Variants in ZBTB25 observed in about 807,000 individuals in gnomAD.
ZBTB25 encodes the protein zinc finger and BTB domain-containing protein 25.
In ZBTB25, 20 loss-of-function variants were observed where a neutral mutation model predicts 34.2. The ratio of observed to expected loss-of-function variants is 0.58; its 90% CI spans 0.41 to 0.85. The LOEUF is 0.85. Among genes scored for constraint, ZBTB25 ranks in the 40% least tolerant of loss-of-function variants. ZBTB25 has a pLI of 0.00. For missense variants in ZBTB25, 437 were observed against 521.8 expected (o/e 0.84, Z 1.58); for synonymous variants, 175 against 186.4 (o/e 0.94, Z 0.50).
At chr14:64,502,756 A>C (rs2079538077) in intron 1 of ZBTB25, 1 of 978,834 alleles carries the variant, frequency 1.0e-6, no homozygotes, top group Non-Finnish European at 1.2e-6. Flanking sequence ...TTGGAGTCTT[A>C]GCTATCAAGA....
At chr14:64,504,364 C>CG (rs139905887), upstream of ZBTB25, 34,769 of 152,296 alleles carry the variant, frequency 0.23, 4,660 homozygotes, top group Non-Finnish European at 0.31. Flanking sequence ...CTGGGCCCAA[C>CG]GGGCAGGGGT....
intron 2 of ZBTB25, chr14:64,472,948 A>G (rs1478954382): frequency 4.2e-5 from 7 of 166,936 alleles, no homozygotes; most frequent in Non-Finnish European, 1.0e-4. Flanking sequence ...CTTTTAATGA[A>G]TGTTTATTTA....
intron 2 of ZBTB25, 70 bp downstream of exon 2, chr14:64,490,291 A>G: frequency 8.3e-7 from 1 of 1,202,712 alleles, no homozygotes; most frequent in Non-Finnish European, 1.1e-6. Context: ...GAATTTCCAA[A>G]ATGATACTAT....
At chr14:64,468,156 T>C (rs2078630457) in intron 2 of ZBTB25, 1 of 287,958 alleles carries the variant, frequency 3.5e-6, no homozygotes, top group Non-Finnish European at 6.4e-6. Context: ...AAAGCAAAAA[T>C]TTATCCAAAG....
At position 64,479,316 on chromosome 14, in the gene ZBTB25, T is replaced by C. The variant is rs1021978728; in HGVS notation, c.*7607A>G. On this transcript the variant is annotated 3_prime_UTR_variant, in exon 3 of 3. Coordinates refer to ENST00000608382, the MANE Select transcript of ZBTB25 (RefSeq NM_006977.5). ...CTCTGCACTGAGATGTTTAGCAGCA[T>C]CCCTGGCCTCCACCTACTAGATGCC... 5.3e-5 allele frequency: 8 copies of C among 152,188 alleles called. No homozygotes were observed. Among genetic ancestry groups the C allele is most frequent in the African/African-American group, 1.9e-4 (8 of 41,444 alleles). 9.4% of individuals were successfully genotyped at this position (152,188 alleles called of 1,614,324 possible). A position where few individuals can be genotyped will look rare whatever the true frequency, so the allele number is the denominator to read the frequency against.
chr14:64,487,174 T>C lies in ZBTB25; in HGVS notation c.1057A>G (p.Ile353Val), dbSNP rs2078894938. Reference sequence around the variant, plus strand: ...TTTCGAGGGAATTTATGACCACAGATGGTACAGCTCATTTTTCTTTTCCTT... The same window carrying C: ...TTTCGAGGGAATTTATGACCACAGACGGTACAGCTCATTTTTCTTTTCCTT... ...FSRKRKMSCT[I>V]CGHKFPRKSQ... The change falls in exon 3 of 3, where the codon ATC becomes GTC. Residue 353 changes from isoleucine to valine, a missense_variant. Physicochemically the swap from Ile to Val is conservative, Grantham distance 29 (BLOSUM62 3). Coordinates refer to ENST00000608382, the MANE Select transcript of ZBTB25 (RefSeq NM_006977.5). The C allele has an allele frequency of 1.2e-6, 2 of 1,614,058 alleles. No individual in the cohort carries two copies. Among genetic ancestry groups the C allele is most frequent in the African/African-American group, 1.3e-5 (1 of 74,918 alleles).
At chr14:64,491,861 C>A (rs977688963) in intron 1 of ZBTB25, among the ~76,000 whole-genome samples, 2 of 152,132 alleles carry the variant, frequency 1.3e-5, no homozygotes, top group Non-Finnish European at 2.9e-5. Context: ...TGATGTAATG[C>A]AGGGTTAGCC....
chr14:64,474,428 T>C (rs956269334), downstream of ZBTB25: 10 of 167,074 alleles, frequency 6.0e-5, no homozygotes, highest in African/African-American at 2.4e-4. Context: ...TAAATAGTAC[T>C]CTGTAGAAAA....
chr14:64,503,985 T>C (rs771798961), upstream of ZBTB25: 36 of 151,980 alleles, frequency 2.4e-4, no homozygotes, highest in Admixed American at 2.0e-3. Flanking sequence ...GGCGGAAGCA[T>C]AGGGACAAGC....
chr14:64,459,675 TG>T, intron 2 of ZBTB25: 1 of 1,161,304 alleles, frequency 8.6e-7, no homozygotes, highest in Non-Finnish European at 1.2e-6. Context: ...GCAATGTGAG[TG>T]GGTAATGGTG....
At chr14:64,473,561 TCATC>T (rs1220982173), downstream of ZBTB25, 1 of 167,134 alleles carries the variant, frequency 6.0e-6, no homozygotes, top group Non-Finnish European at 1.5e-5. Context: ...ATTTCTAACT[TCATC>T]CATAAATTTC....
At chr14:64,468,569 G>T (rs2078635455) in intron 2 of ZBTB25, 2 of 1,613,924 alleles carry the variant, frequency 1.2e-6, no homozygotes, top group African/African-American at 1.3e-5. Context: ...TGCTGATGTG[G>T]CAAGGAAGTG....
rs71444659 is a variant in ZBTB25, at chr14:64,483,940, C to CAAAAAAA, written c.*2976_*2982dup. 8 of 29,274 alleles carry CAAAAAAA rather than the reference C, an allele frequency of 2.7e-4. No individual in the cohort carries two copies. Among genetic ancestry groups the CAAAAAAA allele is most frequent in the African/African-American group, 1.2e-3 (7 of 5,754 alleles). 1.8% of individuals were successfully genotyped at this position (29,274 alleles called of 1,614,324 possible). On this transcript the variant is annotated 3_prime_UTR_variant, in exon 3 of 3. Coordinates refer to ENST00000608382, the MANE Select transcript of ZBTB25 (RefSeq NM_006977.5). ...GCCTGGCGACACAGCACGACTGTCTCAAAAAAAAAAAAAAAAAAAAAAAAA... is the reference window on the plus strand; with the variant it reads ...GCCTGGCGACACAGCACGACTGTCTCAAAAAAAAAAAAAAAAAAAAAAAAAAAAAAAA...
Position 64,488,726 on chromosome 14 carries a change from A to T in ZBTB25, c.174-669T>A, listed in dbSNP as rs560103298. Reference sequence around the variant, plus strand: ...GCAAATTCATAGAGATAGAAAGTAAATTAGCGGTTTCTGGGGGTTGAGAGG... The same window carrying T: ...GCAAATTCATAGAGATAGAAAGTAATTTAGCGGTTTCTGGGGGTTGAGAGG... On this transcript the variant is annotated intron_variant, in intron 2 of 2. Coordinates refer to ENST00000608382, the MANE Select transcript of ZBTB25 (RefSeq NM_006977.5). Among the ~76,000 whole-genome samples the T allele has an allele frequency of 8.5e-5, 13 of 152,282 alleles. No individual in the cohort carries two copies. The South Asian group carries it at 2.7e-3, about 32-fold the overall frequency.
At chr14:64,452,913 G>A (rs1251314021) in intron 2 of ZBTB25, among the ~76,000 whole-genome samples, 4 of 151,834 alleles carry the variant, frequency 2.6e-5, no homozygotes, top group Non-Finnish European at 5.9e-5. Flanking sequence ...AAGAGACAGA[G>A]TGTTGCTATG....
At chr14:64,467,121 A>AAACACTGC (rs2078620340) in intron 2 of ZBTB25, 2 of 152,220 alleles carry the variant, frequency 1.3e-5, no homozygotes, top group African/African-American at 4.8e-5. Context: ...TTTACTAATG[A>AAACACTGC]AACACTGCAG....
chr14:64,492,611 A>C (rs1028970884), intron 1 of ZBTB25, among the ~76,000 whole-genome samples: 1 of 151,956 alleles, frequency 6.6e-6, no homozygotes, highest in Non-Finnish European at 1.5e-5. Flanking sequence ...CAAAAAAAAA[A>C]AACAAAACCA....
At chr14:64,498,309 T>C (rs933091435) in intron 1 of ZBTB25, among the ~76,000 whole-genome samples, 1 of 147,024 alleles carries the variant, frequency 6.8e-6, no homozygotes, top group Non-Finnish European at 1.5e-5. Flanking sequence ...CACAGATTCT[T>C]TTTTTTTTTT....
chr14:64,477,787 A>G (rs907796122), downstream of ZBTB25, among the ~76,000 whole-genome samples: 1 of 152,232 alleles, frequency 6.6e-6, no homozygotes, highest in Non-Finnish European at 1.5e-5. Flanking sequence ...TATAGAAAAA[A>G]TGTGGCAGTG....
Sources: allele counts gnomAD v4.1 joint callset (sites outside exome capture counted in the v4.1 genomes callset), GRCh38; gene constraint gnomAD v4.1.1; transcripts MANE v1.5; gene names NCBI Gene and HGNC (gene_info 2026-07-23, HGNC 2026-07-21).